NPR3: variants seen among roughly 807,000 people sequenced by gnomAD.
The protein encoded by NPR3 is natriuretic peptide receptor 3, also known as atrial natriuretic peptide receptor 3.
A neutral mutation model predicts 54.5 loss-of-function variants in NPR3; 34 were observed. The ratio of observed to expected loss-of-function variants is 0.62; its 90% confidence interval spans 0.47 to 0.83. NPR3 has a LOEUF of 0.83. Ranked by LOEUF, NPR3 falls within the 40% of genes least tolerant of loss-of-function variation. NPR3 has a pLI of 0.00. For synonymous variants in NPR3, 289 were observed against 297.1 expected (o/e 0.97, Z 0.28); for missense variants, 674 against 720.8 (o/e 0.94, Z 0.74).
Position 32,754,619 on chromosome 5 carries a change from AT to A in NPR3, c.1059+15597del, listed in dbSNP as rs570603844. 1.3e-4 allele frequency among the ~76,000 whole-genome samples: 19 copies of A among 151,902 alleles called. No individual in the cohort carries two copies. The South Asian group carries it at 4.0e-3, about 32-fold the overall frequency. On this transcript the variant is annotated intron_variant, in intron 3 of 7. Transcript: ENST00000265074. ...AGTTTGGATTAGTATTTATCTTCTG[AT>A]TTTTTTTCTCCTCTGGGGTGAACTT...
chr5:32,712,048 G>A lies in NPR3; in HGVS notation c.272G>A (p.Arg91Gln), dbSNP rs374859010. The A allele has an allele frequency of 6.2e-7, 1 of 1,613,844 alleles. No homozygotes were observed. The highest frequency in any genetic ancestry group is 1.1e-5 in the South Asian group (1 of 91,088). Residue 91 changes from arginine to glutamine, a missense_variant, in exon 1 of 8, where the codon CGG becomes CAG. By Grantham distance (43) the Arg-to-Gln change is conservative (BLOSUM62 1). Transcript: ENST00000265074. ...RSVEGNGTGR[R>Q]LLPPGTRFQV... ...GTGGAGGGCAACGGGACTGGGAGGC[G>A]GCTTCTGCCGCCGGGCACTCGCTTC... is the stretch of plus-strand genomic sequence containing the variant.
At chr5:32,700,738 A>G (rs1197027481) in intron 1 of NPR3, among the ~76,000 whole-genome samples, 1 of 152,090 alleles carries the variant, frequency 6.6e-6, no homozygotes, top group Non-Finnish European at 1.5e-5. Flanking sequence ...ATCGTTTTTT[A>G]TGGCTGCATA....
intron 1 of NPR3, among the ~76,000 whole-genome samples, chr5:32,714,912 C>T (rs1579591598): frequency 6.6e-6 from 1 of 152,280 alleles, no homozygotes; most frequent in East Asian, 1.9e-4. Context: ...CTCTGTACCT[C>T]GAGCTCCTTA....
At chr5:32,783,906 T>C (rs1288220603) in intron 6 of NPR3, among the ~76,000 whole-genome samples, 1 of 152,204 alleles carries the variant, frequency 6.6e-6, no homozygotes, top group African/African-American at 2.4e-5. Flanking sequence ...AGATAACACA[T>C]TGAAGGGCCG....
chr5:32,743,004 A>G (rs1374874110), intron 3 of NPR3, among the ~76,000 whole-genome samples: 1 of 152,224 alleles, frequency 6.6e-6, no homozygotes, highest in East Asian at 1.9e-4. Flanking sequence ...TCTTCTGAAA[A>G]TGAAAAATTT....
rs1266227840 is a variant in NPR3, at chr5:32,711,555, T to TTTTTCG, written c.-217_-216insGTTTTC. 2.8e-5 allele frequency: 35 copies of TTTTTCG among 1,237,940 alleles called. No homozygotes were observed. In the African/African-American group the frequency reaches 3.8e-4, roughly 13 times the overall value. 76.7% of individuals were successfully genotyped at this position (1,237,940 alleles called of 1,614,324 possible). ...AGGTTTACACCCGGTGAACTTTTTCTTTTTCTTTTTCTTTTTTTTTTAAGA... is the reference window on the plus strand; with the variant it reads ...AGGTTTACACCCGGTGAACTTTTTCTTTTTCGTTTTCTTTTTCTTTTTTTTTTAAGA... On this transcript the variant is annotated 5_prime_UTR_variant, in exon 1 of 8. Transcript: ENST00000265074.
At chr5:32,693,700 A>C (rs1456829585) in intron 1 of NPR3, among the ~76,000 whole-genome samples, 1 of 152,232 alleles carries the variant, frequency 6.6e-6, no homozygotes, top group East Asian at 1.9e-4. Context: ...TCTGATCCAA[A>C]AGGTTCAAGC....
intron 1 of NPR3, among the ~76,000 whole-genome samples, chr5:32,714,524 A>G (rs1362406173): frequency 2.0e-5 from 3 of 149,352 alleles, no homozygotes; most frequent in Non-Finnish European, 3.0e-5. Context: ...TTTTTTTCCA[A>G]GTTTGCATTG....
At chr5:32,730,358 G>A (rs10037355) in intron 2 of NPR3, among the ~76,000 whole-genome samples, 1 of 152,010 alleles carries the variant, frequency 6.6e-6, no homozygotes, top group African/African-American at 2.4e-5. Flanking sequence ...CAAAAACCTC[G>A]CAGCTGATAT....
chr5:32,721,260 A>G (rs1291636520), intron 1 of NPR3, among the ~76,000 whole-genome samples: 1 of 152,240 alleles, frequency 6.6e-6, no homozygotes, highest in Non-Finnish European at 1.5e-5. Context: ...CTTAAATCAC[A>G]TGGCCAACAC....
intron 2 of NPR3, among the ~76,000 whole-genome samples, chr5:32,728,837 GTATAT>G (rs1739283762): frequency 1.7e-4 from 8 of 48,012 alleles, no homozygotes; most frequent in Non-Finnish European, 2.6e-4. Context: ...GTGTGTGTGT[GTATAT>G]ATATATATAT....
intron 2 of NPR3, among the ~76,000 whole-genome samples, chr5:32,726,114 T>C (rs529688635): frequency 2.0e-5 from 3 of 152,232 alleles, no homozygotes; most frequent in East Asian, 3.9e-4. Flanking sequence ...AGCGGAGCAG[T>C]TGTAGGGGAA....
At chr5:32,739,886 T>C (rs1006869648) in intron 3 of NPR3, among the ~76,000 whole-genome samples, 1 of 152,136 alleles carries the variant, frequency 6.6e-6, no homozygotes, top group South Asian at 2.1e-4. Context: ...TTCTTCCTCC[T>C]CTTCTTTTTT....
intron 1 of NPR3, among the ~76,000 whole-genome samples, chr5:32,722,927 G>A (rs1738940031): frequency 6.6e-6 from 1 of 152,006 alleles, no homozygotes; most frequent in African/African-American, 2.4e-5. Flanking sequence ...TTTAATATTT[G>A]TACTGTTTTA....
chr5:32,761,231 T>C lies in NPR3; in HGVS notation c.1060-13477T>C, dbSNP rs187691841. ...GTTTCTAAAAAAAAAAATCCTGGAT[T>C]TTTGATTTGGATTGTATTGATCTGT... On this transcript the variant is annotated intron_variant, in intron 3 of 7. Coordinates refer to ENST00000265074, the MANE Select transcript of NPR3 (RefSeq NM_001204375.2). 7.3e-3 allele frequency among the ~76,000 whole-genome samples: 1,108 copies of C among 152,232 alleles called. 9 individuals carry two copies. The highest frequency in any genetic ancestry group is 0.012 in the Non-Finnish European group (802 of 68,012).
intron 2 of NPR3, among the ~76,000 whole-genome samples, chr5:32,726,436 C>CGG (rs1739141525): frequency 6.6e-6 from 1 of 152,126 alleles, no homozygotes; most frequent in Non-Finnish European, 1.5e-5. Context: ...GGTCTTTTCC[C>CGG]CTCTGTTTTA....
intron 1 of NPR3, among the ~76,000 whole-genome samples, chr5:32,701,079 G>C (rs1737774905): frequency 6.6e-6 from 1 of 152,122 alleles, no homozygotes; most frequent in African/African-American, 2.4e-5. Flanking sequence ...ACTTTTTAAT[G>C]ATCACCATTC....
At chr5:32,715,021 G>T (rs1738475527) in intron 1 of NPR3, among the ~76,000 whole-genome samples, 1 of 152,168 alleles carries the variant, frequency 6.6e-6, no homozygotes, top group South Asian at 2.1e-4. Flanking sequence ...AGAAGAATAT[G>T]AAGTGCTCAA....
intron 3 of NPR3, among the ~76,000 whole-genome samples, chr5:32,762,310 G>A (rs1267599159): frequency 6.6e-6 from 1 of 151,744 alleles, no homozygotes; most frequent in Admixed American, 6.6e-5. Context: ...TATATACCCA[G>A]TAGTGGGATT....
Sources: gnomAD v4.1 joint callset for allele counts (sites outside exome capture counted in the v4.1 genomes callset) on GRCh38, gnomAD v4.1.1 for gene constraint, MANE v1.5 for transcripts, NCBI Gene and HGNC (gene_info 2026-07-23, HGNC 2026-07-21) for gene names.